Variants in GNB4 observed in about 807,000 individuals in gnomAD.
GNB4 encodes the protein G protein subunit beta 4.
A neutral mutation model predicts 45.2 loss-of-function variants in GNB4; 28 were observed. That is an observed-to-expected ratio of 0.62 (90% confidence interval 0.46 to 0.85). GNB4 has a LOEUF of 0.85. Among genes scored for constraint, GNB4 ranks in the 40% least tolerant of loss-of-function variants. GNB4 has a pLI of 0.00. For missense variants in GNB4, 321 were observed against 425.4 expected (o/e 0.75, Z 2.16); for synonymous variants, 132 against 143.7 (o/e 0.92, Z 0.58).
chr3:179,507,716 T>C, the GNB4 span, among the ~76,000 whole-genome samples: 1 of 152,160 alleles, frequency 6.6e-6, no homozygotes, highest in African/African-American at 2.4e-5. Flanking sequence ...AAGTCCCCCT[T>C]GATGAGGGTT....
At chr3:179,456,127 T>C (rs1715973415), upstream of GNB4, among the ~76,000 whole-genome samples, 1 of 151,478 alleles carries the variant, frequency 6.6e-6, no homozygotes, top group Non-Finnish European at 1.5e-5. Context: ...TTTTTTTTTT[T>C]TTTAGACAAG....
intron 1 of GNB4, among the ~76,000 whole-genome samples, chr3:179,432,005 T>A (rs1715324002): frequency 6.6e-6 from 1 of 152,034 alleles, no homozygotes; most frequent in African/African-American, 2.4e-5. Context: ...TGACTCCACA[T>A]TGCACCATCA....
intron 1 of GNB4, among the ~76,000 whole-genome samples, chr3:179,431,322 C>T (rs752789494): frequency 1.4e-4 from 21 of 152,022 alleles, no homozygotes; most frequent in Non-Finnish European, 2.6e-4. Context: ...TTTGAGAGGC[C>T]GAGGCGGGTG....
chr3:179,511,622 T>C, the GNB4 span, among the ~76,000 whole-genome samples: 1 of 152,148 alleles, frequency 6.6e-6, no homozygotes, highest in Admixed American at 6.5e-5. Context: ...TCTCCTTATC[T>C]AGAAAAGTGA....
chr3:179,407,777 G>GAAA (rs35646980), intron 8 of GNB4, among the ~76,000 whole-genome samples: 1 of 151,728 alleles, frequency 6.6e-6, no homozygotes, highest in Non-Finnish European at 1.5e-5. Flanking sequence ...AGCTGCAAAA[G>GAAA]ACACCCAAAA....
the GNB4 span, among the ~76,000 whole-genome samples, chr3:179,520,860 G>A: frequency 3.3e-5 from 5 of 152,110 alleles, no homozygotes; most frequent in South Asian, 8.3e-4. Context: ...GTTCCACCAG[G>A]CCTAATCACC....
At chr3:179,409,027 G>A (rs1311015936) in intron 8 of GNB4, among the ~76,000 whole-genome samples, 1 of 148,412 alleles carries the variant, frequency 6.7e-6, no homozygotes, top group Non-Finnish European at 1.5e-5. Context: ...ATGGTGGCAC[G>A]CACCTGTATA....
chr3:179,519,032 T>A, the GNB4 span, among the ~76,000 whole-genome samples: 2 of 152,206 alleles, frequency 1.3e-5, no homozygotes, highest in African/African-American at 4.8e-5. Context: ...TTGCCCCCAC[T>A]GTGAGACAAA....
Position 179,416,220 on chromosome 3 carries a change from A to T in GNB4, c.267+273T>A, listed in dbSNP as rs543448657. On this transcript the variant is annotated intron_variant, in intron 5 of 9. Coordinates refer to ENST00000232564, the MANE Select transcript of GNB4 (RefSeq NM_021629.4). Reference sequence around the variant, plus strand: ...GTCATATTAGGAAATGGGAATTTTTAAAAATCATTTATTAGTATATGTAAA... The same window carrying T: ...GTCATATTAGGAAATGGGAATTTTTTAAAATCATTTATTAGTATATGTAAA... Among the ~76,000 whole-genome samples, 28 of 152,320 alleles carry T rather than the reference A, an allele frequency of 1.8e-4. No individual in the cohort carries two copies. In the East Asian group the frequency reaches 5.2e-3, roughly 28 times the overall value.
Position 179,396,784 on chromosome 3 carries a change from A to G in GNB4, c.*4429T>C, listed in dbSNP as rs1714132815. ...TTTTTAAAATAAAGTGCTAGCTTAG[A>G]TATTCTACTATAAACCATTTCATTG... On this transcript the variant is annotated 3_prime_UTR_variant, in exon 10 of 10. Transcript: ENST00000232564. 6.6e-6 allele frequency: 1 copy of G among 152,220 alleles called. No homozygotes were observed. The highest frequency in any genetic ancestry group is 2.4e-5 in the African/African-American group (1 of 41,464). 9.4% of individuals were successfully genotyped at this position (152,220 alleles called of 1,614,324 possible).
the GNB4 span, among the ~76,000 whole-genome samples, chr3:179,509,545 C>T: frequency 5.3e-5 from 8 of 151,972 alleles, no homozygotes; most frequent in Admixed American, 4.6e-4. Context: ...TCCACGTAGA[C>T]AACTCAATAT....
chr3:179,482,220 A>G, the GNB4 span, among the ~76,000 whole-genome samples: 1 of 152,168 alleles, frequency 6.6e-6, no homozygotes, highest in African/African-American at 2.4e-5. Flanking sequence ...ATCAAGTTTC[A>G]ATCAAATGTT....
At chr3:179,494,931 A>AG in the GNB4 span, among the ~76,000 whole-genome samples, 4 of 145,212 alleles carry the variant, frequency 2.8e-5, no homozygotes, top group African/African-American at 1.0e-4. Flanking sequence ...AAAAAAAAAA[A>AG]GGAAGGAAGG....
the GNB4 span, among the ~76,000 whole-genome samples, chr3:179,523,774 G>A: frequency 6.6e-6 from 1 of 151,528 alleles, no homozygotes; most frequent in Non-Finnish European, 1.5e-5. Flanking sequence ...ATACTTGTGG[G>A]TTAAGGTGGG....
In GNB4 at chr3:179,425,767, A is replaced by G. The variant is rs60947511; in HGVS notation, c.57+377T>C. Among the ~76,000 whole-genome samples, 587 of 152,222 alleles carry G rather than the reference A, an allele frequency of 3.9e-3. 2 individuals are homozygous for G. The highest frequency in any genetic ancestry group is 0.013 in the African/African-American group (558 of 41,548). On this transcript the variant is annotated intron_variant, in intron 2 of 9. Transcript: ENST00000232564. ...ATTACAGGCATGAGCCACTGTGCCC[A>G]CCCTAATGATTTTCTGCAACCTAAT...
chr3:179,463,199 G>A, the GNB4 span, among the ~76,000 whole-genome samples: 1 of 152,174 alleles, frequency 6.6e-6, no homozygotes, highest in African/African-American at 2.4e-5. Context: ...GCTCCTGAGA[G>A]TCAATAAGTC....
chr3:179,493,488 T>C, the GNB4 span, among the ~76,000 whole-genome samples: 1 of 148,326 alleles, frequency 6.7e-6, no homozygotes, highest in African/African-American at 2.5e-5. Flanking sequence ...GAAGAATCTA[T>C]GAACTCAAGC....
the GNB4 span, among the ~76,000 whole-genome samples, chr3:179,475,575 T>C: frequency 0.71 from 107,587 of 151,930 alleles, 38,310 homozygotes; most frequent in East Asian, 0.98. Context: ...TGGGTTCAAG[T>C]GATTCTCCTG....
chr3:179,461,496 CAA>C, the GNB4 span, among the ~76,000 whole-genome samples: 18,065 of 134,612 alleles, frequency 0.13, 1,150 homozygotes, highest in African/African-American at 0.18. Flanking sequence ...GACTCCGTCT[CAA>C]AAAAAAAAAA....
Sources: gnomAD v4.1 joint callset for allele counts (sites outside exome capture counted in the v4.1 genomes callset) on GRCh38, gnomAD v4.1.1 for gene constraint, MANE v1.5 for transcripts, NCBI Gene and HGNC (gene_info 2026-07-23, HGNC 2026-07-21) for gene names.